Variants in IQSEC2 observed in about 807,000 individuals in gnomAD.
IQSEC2 encodes the protein IQ motif and Sec7 domain ArfGEF 2.
A neutral mutation model predicts 74.6 loss-of-function variants in IQSEC2; 6 were observed. The ratio of observed to expected loss-of-function variants is 0.08; its 90% CI spans 0.04 to 0.16. IQSEC2 has a LOEUF of 0.16. IQSEC2 is among the 10% of genes least tolerant of loss of function. The pLI is 1.00. For synonymous variants in IQSEC2, 494 were observed against 544.5 expected (o/e 0.91, Z 1.29); for missense variants, 734 against 1,306.2 (o/e 0.56, Z 6.75).
chrX:53,239,116 T>C (rs1156570719), intron 11 of IQSEC2, 79 bp downstream of exon 11: 4 of 787,611 alleles, frequency 5.1e-6, no homozygotes, highest in South Asian at 2.1e-5. Flanking sequence ...CTCCGAAAAC[T>C]GGAGCTGGTA....
rs1556880024 is a variant in IQSEC2, at chrX:53,320,538, G to A, written c.586C>T (p.Pro196Ser). Residue 196 changes from proline to serine, a missense_variant, in exon 1 of 15, where the codon CCG becomes TCG. Around this residue, in one of 12 missense-constraint regions of IQSEC2, gnomAD observed 134 missense variants for 214.9 expected, o/e 0.62. Transcript: ENST00000642864. ...TGGCCCCGCTCCCGCGGTGGCCGCG[G>A]CCCCACGCCCACCGCCGCCGAATAG... ...AGYSAAVGVG[P>S]RPPRERGQLS... 2 of 1,156,065 alleles carry A rather than the reference G, an allele frequency of 1.7e-6. No homozygotes were observed. The highest frequency in any genetic ancestry group is 2.3e-6 in the Non-Finnish European group (2 of 868,263).
At position 53,250,587 on chromosome X, in the gene IQSEC2, T is replaced by A; in HGVS notation, c.1989A>T (p.Pro663=). Residue 663 remains proline (P), a synonymous_variant, in exon 5 of 15, where the codon CCA becomes CCT. Coordinates refer to ENST00000642864, the MANE Select transcript of IQSEC2 (RefSeq NM_001111125.3). ...GPAPAPPGPL[P]PAPNSGTGPS... ...GCCCAGTGCCACTGTTGGGGGCTGG[T>A]GGCAGGGGCCCTGGTGGGGCTGGGG... The A allele has an allele frequency of 4.1e-6, 5 of 1,209,610 alleles. No homozygotes were observed.
At position 53,311,121 on chromosome X, in the gene IQSEC2, CAA is replaced by C. The variant is rs56198617; in HGVS notation, c.707+9294_707+9295del. ...GGTGACAGAACGAGAGACTCCATCT[CAA>C]AAAAAAAAAAAAGAAAAGAAAAGAA... On this transcript the variant is annotated intron_variant, in intron 1 of 14. Coordinates refer to ENST00000642864, the MANE Select transcript of IQSEC2 (RefSeq NM_001111125.3). Among the ~76,000 whole-genome samples the C allele has an allele frequency of 2.3e-3, 49 of 21,571 alleles. 6 individuals carry two copies. In the East Asian group the frequency reaches 0.18, roughly 78 times the overall value. 18.7% of individuals were successfully genotyped at this position (21,571 alleles called of 115,157 possible). A position where few individuals can be genotyped will look rare whatever the true frequency, so the allele number is the denominator to read the frequency against.
At position 53,286,952 on chromosome X, in the gene IQSEC2, A is replaced by AAG. The variant is rs1556871907; in HGVS notation, c.737+4942_737+4943insCT. On this transcript the variant is annotated intron_variant, in intron 2 of 14. Transcript: ENST00000642864. Reference sequence around the variant, plus strand: ...AAGTATCCGGCTCAAAAAAAAAAAAAAAAAAGAAAAAGAAAAAGAAAGAAA... The same window carrying AAG: ...AAGTATCCGGCTCAAAAAAAAAAAAAAGAAAAAGAAAAAGAAAAAGAAAGAAA... 2.5e-4 allele frequency among the ~76,000 whole-genome samples: 24 copies of AAG among 96,393 alleles called. No individual in the cohort carries two copies. The Middle Eastern group carries it at 0.014, about 58-fold the overall frequency. 83.7% of individuals were successfully genotyped at this position (96,393 alleles called of 115,157 possible). A position where few individuals can be genotyped will look rare whatever the true frequency, so the allele number is the denominator to read the frequency against.
At chrX:53,257,411 G>C (rs1874029698) in intron 2 of IQSEC2, among the ~76,000 whole-genome samples, 1 of 112,237 alleles carries the variant, frequency 8.9e-6, no homozygotes, top group South Asian at 3.6e-4. Context: ...CCTGGGGAGA[G>C]CTCCCACCCA....
chrX:53,311,262 T>C (rs2075320280), intron 1 of IQSEC2, among the ~76,000 whole-genome samples: 1 of 109,410 alleles, frequency 9.1e-6, no homozygotes, highest in Non-Finnish European at 1.9e-5. Context: ...TGGGCCTCAG[T>C]CTTTTCATCT....
intron 1 of IQSEC2, among the ~76,000 whole-genome samples, chrX:53,316,837 A>G (rs1340965563): frequency 9.3e-6 from 1 of 107,269 alleles, no homozygotes; most frequent in African/African-American, 3.5e-5. Flanking sequence ...AAACCAAAAA[A>G]AAAAAAAAAA....
intron 6 of IQSEC2, 28 bp from the exon 7 acceptor site, chrX:53,248,264 C>T (rs1556862472): frequency 8.3e-7 from 1 of 1,203,620 alleles, no homozygotes; most frequent in Non-Finnish European, 1.1e-6. Context: ...AGGTGTGGCG[C>T]TTTCAATTCC....
Position 53,233,273 on chromosome X carries a change from A to T in IQSEC2, c.*946T>A, listed in dbSNP as rs1421581289. ...TGATGGCTTCAATCTCTGCCTCAGG[A>T]AGGATATCTTGGGCTCATGGTGGCC... On this transcript the variant is annotated 3_prime_UTR_variant, in exon 15 of 15. Transcript: ENST00000642864. The T allele has an allele frequency of 1.8e-5, 2 of 112,530 alleles. No homozygotes were observed. The highest frequency in any genetic ancestry group is 3.2e-5 in the African/African-American group (1 of 30,940). The allele number at this position is 112,530 out of a possible 1,213,427, so 9.3% of individuals were successfully genotyped here.
chrX:53,315,762 G>T (rs1387916086), intron 1 of IQSEC2, among the ~76,000 whole-genome samples: 1 of 112,292 alleles, frequency 8.9e-6, no homozygotes, highest in Admixed American at 9.4e-5. Flanking sequence ...CTGGCAGAAG[G>T]CTGAGACTCA....
In IQSEC2 at chrX:53,320,779, G is replaced by C. The variant is rs1438347773; in HGVS notation, c.345C>G (p.Gly115=). 11 of 1,166,775 alleles carry C rather than the reference G, an allele frequency of 9.4e-6. No individual in the cohort carries two copies. Among genetic ancestry groups the C allele is most frequent in the Non-Finnish European group, 1.1e-5 (10 of 872,263 alleles). ...GGTAGGCGCCTTCCCGGTTCGGGTAGCCCACGTCCCGGGCCGCCTGGTGGA... is the reference window on the plus strand; with the variant it reads ...GGTAGGCGCCTTCCCGGTTCGGGTACCCCACGTCCCGGGCCGCCTGGTGGA... ...SQFHQAARDV[G]YPNREGAYQN... is the part of the protein sequence containing the mutation. The change falls in exon 1 of 15, where the codon GGC becomes GGG. Residue 115 remains glycine (G), a synonymous_variant. Coordinates refer to ENST00000642864, the MANE Select transcript of IQSEC2 (RefSeq NM_001111125.3).
At chrX:53,282,120 C>T (rs944209836) in intron 2 of IQSEC2, among the ~76,000 whole-genome samples, 2 of 112,590 alleles carry the variant, frequency 1.8e-5, no homozygotes, top group African/African-American at 3.2e-5. Flanking sequence ...GATGGGGCCC[C>T]GGCCAATATT....
intron 10 of IQSEC2, among the ~76,000 whole-genome samples, chrX:53,241,001 C>T (rs2074210858): frequency 8.9e-6 from 1 of 111,962 alleles, no homozygotes; most frequent in African/African-American, 3.2e-5. Context: ...GTCTTGAACT[C>T]CTGACCTCAG....
In IQSEC2 at chrX:53,250,339, G is replaced by A. The variant is rs201284172; in HGVS notation, c.2237C>T (p.Ala746Val). 1 of 1,210,213 alleles carries A rather than the reference G, an allele frequency of 8.3e-7. No individual in the cohort carries two copies. The highest frequency in any genetic ancestry group is 3.0e-5 in the East Asian group (1 of 33,751). Residue 746 changes from alanine (A) to valine (V), a missense_variant, in exon 5 of 15, where the codon GCT (alanine) becomes GTT (valine). Ala to Val is a moderately conservative substitution (Grantham distance 64). Coordinates refer to ENST00000642864, the MANE Select transcript of IQSEC2 (RefSeq NM_001111125.3). ...CCTCTGGACCACATCATTGTTGAAAGCTGGCGAGTCCCAGCTATGCCTTGT... is the reference window on the plus strand; with the variant it reads ...CCTCTGGACCACATCATTGTTGAAAACTGGCGAGTCCCAGCTATGCCTTGT... ...RETRHSWDSP[A>V]FNNDVVQRRH...
chrX:53,263,277 T>C (rs1321395731), intron 2 of IQSEC2, among the ~76,000 whole-genome samples: 1 of 111,232 alleles, frequency 9.0e-6, no homozygotes, highest in African/African-American at 3.3e-5. Flanking sequence ...TAGCCAAGGG[T>C]GGCAGAAGAT....
At chrX:53,239,373 A>C in intron 10 of IQSEC2, 79 bp from the exon 11 acceptor site, 1 of 546,629 alleles carries the variant, frequency 1.8e-6, no homozygotes, top group Non-Finnish European at 3.1e-6. Context: ...TCTGGTAACC[A>C]CCCTCCCCTC....
chrX:53,321,252 G>A lies in IQSEC2; in HGVS notation c.-129C>T. 1 of 382,799 alleles carries A rather than the reference G, an allele frequency of 2.6e-6. No individual in the cohort carries two copies. Among genetic ancestry groups the A allele is most frequent in the Non-Finnish European group, 4.4e-6 (1 of 229,456 alleles). 31.5% of individuals were successfully genotyped at this position (382,799 alleles called of 1,213,427 possible). ...GCGAGGGCGCGCACCGGGCTTGAGG[G>A]CCCGGGGGCCCTAGGGGGCCCGGGA... On this transcript the variant is annotated 5_prime_UTR_variant, in exon 1 of 15. Transcript: ENST00000642864.
intron 2 of IQSEC2, 133 bp from the exon 3 acceptor site, chrX:53,256,194 C>A (rs1038028603): frequency 8.1e-6 from 5 of 618,460 alleles, no homozygotes; most frequent in South Asian, 7.1e-5. Flanking sequence ...TATAGGGACC[C>A]AACACTTACA....
At position 53,248,852 on chromosome X, in the gene IQSEC2, G is replaced by C; in HGVS notation, c.2328C>G (p.Ile776Met). ...KKPEKGIQYL[I>M]ERGFLSDTPV... The stretch of plus-strand genomic sequence containing the variant: ...GTGTGTCTGACAGGAAGCCCCGCTC[G>C]ATCAGATACTGGATACCCTTCTCTG... The change falls in exon 6 of 15, where the codon ATC (isoleucine) becomes ATG (methionine). Residue 776 changes from isoleucine to methionine, a missense_variant. Physicochemically the swap from Ile to Met is conservative, Grantham distance 10. Around this residue, in one of 12 missense-constraint regions of IQSEC2, gnomAD observed 14 missense variants for 20.4 expected, o/e 0.69. Transcript: ENST00000642864. 8.3e-7 allele frequency: 1 copy of C among 1,211,021 alleles called. No homozygotes were observed. Among genetic ancestry groups the C allele is most frequent in the Non-Finnish European group, 1.1e-6 (1 of 895,096 alleles).
Sources: allele counts gnomAD v4.1 joint callset (sites outside exome capture counted in the v4.1 genomes callset), GRCh38; gene constraint gnomAD v4.1.1; regional missense constraint gnomAD v4.1.1; transcripts MANE v1.5; gene names NCBI Gene and HGNC (gene_info 2026-07-23, HGNC 2026-07-21).